TBC1D22A: variants seen among roughly 807,000 people sequenced by gnomAD.
TBC1D22A encodes the protein putative GTPase activator.
A neutral mutation model predicts 60.2 loss-of-function variants in TBC1D22A; 38 were observed. The ratio of observed to expected loss-of-function variants is 0.63; its 90% CI spans 0.49 to 0.83. TBC1D22A has a LOEUF of 0.83. TBC1D22A is among the 40% of genes least tolerant of loss of function. The pLI, the probability that TBC1D22A is intolerant of heterozygous loss-of-function variation, is 0.00. For missense variants in TBC1D22A, 628 were observed against 701.0 expected (o/e 0.90, Z 1.18); for synonymous variants, 302 against 281.7 (o/e 1.07, Z -0.72).
intron 4 of TBC1D22A, among the ~76,000 whole-genome samples, chr22:46,875,194 T>C (rs2067494274): frequency 6.6e-6 from 1 of 152,188 alleles, no homozygotes; most frequent in African/African-American, 2.4e-5. Context: ...TGTGGTATAT[T>C]CTTAGAATAC....
chr22:46,921,295 T>G (rs1444125251), intron 8 of TBC1D22A, among the ~76,000 whole-genome samples: 2 of 152,200 alleles, frequency 1.3e-5, no homozygotes, highest in African/African-American at 4.8e-5. Flanking sequence ...TGGGTCCATG[T>G]GTACTCAATA....
chr22:46,805,438 G>T (rs567266137), intron 4 of TBC1D22A, among the ~76,000 whole-genome samples: 1 of 152,384 alleles, frequency 6.6e-6, no homozygotes, highest in East Asian at 1.9e-4. Flanking sequence ...GAGGCAGGTA[G>T]CTGTTGGCAC....
intron 12 of TBC1D22A, among the ~76,000 whole-genome samples, chr22:47,115,162 G>A (rs1277309395): frequency 6.7e-6 from 1 of 148,638 alleles, no homozygotes; most frequent in Non-Finnish European, 1.5e-5. Context: ...TGTCCTGAGC[G>A]CTGGGCCCCA....
At chr22:46,792,704 C>G in intron 2 of TBC1D22A, 128 bp downstream of exon 2, 1 of 1,589,984 alleles carries the variant, frequency 6.3e-7, no homozygotes, top group Non-Finnish European at 8.6e-7. Context: ...CTCATTCAGC[C>G]ACACTGATCA....
chr22:47,143,917 C>T (rs2067197690), intron 12 of TBC1D22A, among the ~76,000 whole-genome samples: 1 of 152,214 alleles, frequency 6.6e-6, no homozygotes, highest in African/African-American at 2.4e-5. Context: ...GCACTTACGG[C>T]AGGCCCGCTG....
intron 11 of TBC1D22A, among the ~76,000 whole-genome samples, chr22:47,096,761 G>A (rs535799037): frequency 6.6e-6 from 1 of 152,316 alleles, no homozygotes; most frequent in East Asian, 1.9e-4. Context: ...GGTGGAGGTT[G>A]CAGTGAGCCG....
intron 1 of TBC1D22A, among the ~76,000 whole-genome samples, chr22:46,776,668 G>T (rs992179752): frequency 2.6e-5 from 4 of 152,056 alleles, no homozygotes; most frequent in African/African-American, 9.7e-5. Context: ...CAGGATGTCG[G>T]GTGAGAACCA....
At chr22:46,783,077 G>A (rs2084009543) in intron 1 of TBC1D22A, among the ~76,000 whole-genome samples, 1 of 152,210 alleles carries the variant, frequency 6.6e-6, no homozygotes, top group African/African-American at 2.4e-5. Flanking sequence ...CTAGCAGTGT[G>A]TGAGGTCCCG....
rs537287575 is a variant in TBC1D22A, at chr22:46,855,023, T to C, written c.638-23630T>C. 7.2e-5 allele frequency among the ~76,000 whole-genome samples: 11 copies of C among 152,346 alleles called. No individual in the cohort carries two copies. The South Asian group carries it at 2.1e-3, about 29-fold the overall frequency. On this transcript the variant is annotated intron_variant, in intron 4 of 12. Transcript: ENST00000337137. ...GTTAATAATAAGTAACAGCCATTAA[T>C]ATTTTTCTTTGCCTGGACTGTGTCT...
At chr22:47,105,380 C>T (rs751154474) in intron 11 of TBC1D22A, among the ~76,000 whole-genome samples, 1 of 152,174 alleles carries the variant, frequency 6.6e-6, no homozygotes, top group Non-Finnish European at 1.5e-5. Context: ...GTGAGACTAT[C>T]AGAGACCAGA....
At position 46,897,643 on chromosome 22, in the gene TBC1D22A, TTTTTTTGTG is replaced by T. The variant is rs1483840137; in HGVS notation, c.900+2804_900+2812del. Among the ~76,000 whole-genome samples, 36 of 119,332 alleles carry T rather than the reference TTTTTTTGTG, an allele frequency of 3.0e-4. 1 individual carries two copies. Among genetic ancestry groups the T allele is most frequent in the African/African-American group, 1.1e-3 (35 of 32,010 alleles). The allele number at this position is 119,332 out of a possible 152,430, so 78.3% of individuals were successfully genotyped here. ...TTTTTTTGTTTTGTTTCGTTTTGTT[TTTTTTTGTG>T]TTTTTTTTTTTTTTTTTAGTTCTAG... On this transcript the variant is annotated intron_variant, in intron 7 of 12. Coordinates refer to ENST00000337137, the MANE Select transcript of TBC1D22A (RefSeq NM_014346.5).
intron 12 of TBC1D22A, among the ~76,000 whole-genome samples, chr22:47,146,000 TC>T (rs1175270234): frequency 6.7e-6 from 1 of 149,774 alleles, no homozygotes; most frequent in African/African-American, 2.5e-5. Flanking sequence ...TTCCGTGCTG[TC>T]CCTTAAAGCA....
chr22:47,057,620 G>T (rs752554945), intron 11 of TBC1D22A, among the ~76,000 whole-genome samples: 2 of 152,222 alleles, frequency 1.3e-5, no homozygotes, highest in Non-Finnish European at 2.9e-5. Flanking sequence ...CATGGAAGAC[G>T]AAGGAGGAGC....
At chr22:46,793,294 C>G (rs2084503058) in intron 2 of TBC1D22A, among the ~76,000 whole-genome samples, 2 of 152,192 alleles carry the variant, frequency 1.3e-5, no homozygotes, top group South Asian at 2.1e-4. Context: ...TCCTGGAGCC[C>G]CCTCCCCCTC....
intron 9 of TBC1D22A, among the ~76,000 whole-genome samples, chr22:46,986,928 C>T (rs1219203213): frequency 2.0e-5 from 3 of 152,144 alleles, no homozygotes; most frequent in Non-Finnish European, 4.4e-5. Context: ...CATCTAGACT[C>T]CCGTTCATTT....
At chr22:46,853,922 A>C (rs1286819977) in intron 4 of TBC1D22A, among the ~76,000 whole-genome samples, 2 of 152,168 alleles carry the variant, frequency 1.3e-5, no homozygotes, top group Non-Finnish European at 2.9e-5. Context: ...GCCATGCCGC[A>C]TGACCTCAGA....
chr22:46,970,006 A>G (rs937896607), intron 8 of TBC1D22A, among the ~76,000 whole-genome samples: 1 of 152,062 alleles, frequency 6.6e-6, no homozygotes, highest in Non-Finnish European at 1.5e-5. Context: ...CATCTCTGTC[A>G]TGGCTCCCAG....
intron 11 of TBC1D22A, among the ~76,000 whole-genome samples, chr22:47,049,678 T>C (rs1015970125): frequency 6.6e-6 from 1 of 152,234 alleles, no homozygotes; most frequent in African/African-American, 2.4e-5. Flanking sequence ...AAATTTCTCT[T>C]TGGCTCTGTC....
rs892978132 is a variant in TBC1D22A at position 46,807,853 on chromosome 22, A to G, written c.637+10233A>G. 3.9e-5 allele frequency among the ~76,000 whole-genome samples: 6 copies of G among 152,322 alleles called. No homozygotes were observed. The East Asian group carries it at 1.2e-3, about 29-fold the overall frequency. Reference sequence around the variant, plus strand: ...TGAAGTAGCTCATACTTGTAATCCCAGCAGTTGGGAGGCCTAGGTGGGAGG... The same window carrying G: ...TGAAGTAGCTCATACTTGTAATCCCGGCAGTTGGGAGGCCTAGGTGGGAGG... On this transcript the variant is annotated intron_variant, in intron 4 of 12. Coordinates refer to ENST00000337137, the MANE Select transcript of TBC1D22A (RefSeq NM_014346.5).
Sources: gnomAD v4.1 joint callset for allele counts (sites outside exome capture counted in the v4.1 genomes callset) on GRCh38, gnomAD v4.1.1 for gene constraint, MANE v1.5 for transcripts, NCBI Gene and HGNC (gene_info 2026-07-23, HGNC 2026-07-21) for gene names.